Variants in FNDC3A observed in about 807,000 individuals in gnomAD.
The protein encoded by FNDC3A is fibronectin type-III domain-containing protein 3A.
In FNDC3A, 32 loss-of-function variants were observed where a neutral mutation model predicts 148.9. That is an observed-to-expected ratio of 0.21 (90% confidence interval 0.16 to 0.29). The LOEUF is 0.29. FNDC3A is among the 10% of genes least tolerant of loss of function. FNDC3A has a pLI of 1.00. For synonymous variants in FNDC3A, 472 were observed against 473.6 expected (o/e 1.00, Z 0.04); for missense variants, 1,191 against 1,452.8 (o/e 0.82, Z 2.93).
In FNDC3A at chr13:49,027,420, G is replaced by A. The variant is rs144841488; in HGVS notation, c.99+21131G>A. ...TGAGTAGATACGAAGAAATAAAGAGGACCAGTAAACATAACCAGGTAAATA... is the reference window on the plus strand; with the variant it reads ...TGAGTAGATACGAAGAAATAAAGAGAACCAGTAAACATAACCAGGTAAATA... On this transcript the variant is annotated intron_variant, in intron 2 of 25. Coordinates refer to ENST00000492622, the MANE Select transcript of FNDC3A (RefSeq NM_001079673.2). Among the ~76,000 whole-genome samples the A allele has an allele frequency of 4.3e-4, 66 of 152,192 alleles. 1 individual carries two copies. The East Asian group carries it at 0.01, about 24-fold the overall frequency.
intron 3 of FNDC3A, among the ~76,000 whole-genome samples, chr13:49,075,983 GT>G (rs1204118371): frequency 6.6e-6 from 1 of 152,038 alleles, no homozygotes; most frequent in Non-Finnish European, 1.5e-5. Flanking sequence ...ACTGTAGGGT[GT>G]TTAGTGGAAT....
chr13:49,144,007 A>ACTACTACTACTG (rs1882844766), intron 7 of FNDC3A, among the ~76,000 whole-genome samples: 1 of 149,792 alleles, frequency 6.7e-6, no homozygotes, highest in African/African-American at 2.5e-5. Flanking sequence ...TACTACTACT[A>ACTACTACTACTG]CTACTGCTAC....
chr13:48,985,294 A>G (rs894055988), intron 1 of FNDC3A, among the ~76,000 whole-genome samples: 2 of 152,234 alleles, frequency 1.3e-5, no homozygotes, highest in East Asian at 1.9e-4. Context: ...AAGGAATACT[A>G]TTGAACCGAA....
intron 8 of FNDC3A, among the ~76,000 whole-genome samples, chr13:49,151,074 T>C (rs1442198065): frequency 6.6e-6 from 1 of 152,194 alleles, no homozygotes; most frequent in African/African-American, 2.4e-5. Flanking sequence ...ATGAAATGTA[T>C]TCACAAAGGT....
chr13:49,153,485 G>A (rs1046121239), intron 8 of FNDC3A, among the ~76,000 whole-genome samples: 2 of 152,084 alleles, frequency 1.3e-5, no homozygotes, highest in African/African-American at 2.4e-5. Context: ...TCACTCTGAT[G>A]GTAGTTTCTT....
intron 2 of FNDC3A, among the ~76,000 whole-genome samples, chr13:49,057,938 C>G (rs551514326): frequency 6.6e-6 from 1 of 152,030 alleles, no homozygotes. Context: ...GTATCTCCCC[C>G]CCAAAATTTA....
chr13:49,183,745 T>G (rs1885422092), intron 14 of FNDC3A, among the ~76,000 whole-genome samples: 1 of 152,216 alleles, frequency 6.6e-6, no homozygotes, highest in Admixed American at 6.5e-5. Context: ...GTGAGAGGAC[T>G]GAGGAAGCCT....
At chr13:49,047,743 G>A (rs1448231626) in intron 2 of FNDC3A, among the ~76,000 whole-genome samples, 1 of 152,142 alleles carries the variant, frequency 6.6e-6, no homozygotes, top group Non-Finnish European at 1.5e-5. Flanking sequence ...TCTGTGGGTT[G>A]TCTGCTAACT....
intron 3 of FNDC3A, among the ~76,000 whole-genome samples, chr13:49,083,598 C>T (rs931090972): frequency 3.3e-5 from 5 of 152,050 alleles, no homozygotes; most frequent in African/African-American, 1.2e-4. Flanking sequence ...TATAGAAATG[C>T]GTGAAGGATG....
rs1163662308 is a variant in FNDC3A, at chr13:49,198,584, T to C, written c.2987+10T>C. On this transcript the variant is annotated intron_variant, in intron 23 of 25. Transcript: ENST00000492622. ...AGGATAAGAATGGACGGTAGGTTTT[T>C]TTAATTGCTTCTTTATATAGTTTCT... 1 of 1,589,696 alleles carries C rather than the reference T, an allele frequency of 6.3e-7. No homozygotes were observed. Among genetic ancestry groups the C allele is most frequent in the Admixed American group, 1.7e-5 (1 of 59,914 alleles).
intron 1 of FNDC3A, among the ~76,000 whole-genome samples, chr13:49,000,503 C>G (rs1002003993): frequency 8.5e-5 from 13 of 152,294 alleles, no homozygotes; most frequent in African/African-American, 2.9e-4. Flanking sequence ...GCTTTGAAAT[C>G]AGGAAGTGTG....
At chr13:49,089,904 C>T (rs1410918301) in intron 3 of FNDC3A, among the ~76,000 whole-genome samples, 1 of 152,024 alleles carries the variant, frequency 6.6e-6, no homozygotes. Flanking sequence ...TTTTTCTTTT[C>T]TCATAAATTA....
At chr13:49,026,682 T>G (rs1483690857) in intron 2 of FNDC3A, among the ~76,000 whole-genome samples, 1 of 152,182 alleles carries the variant, frequency 6.6e-6, no homozygotes, top group African/African-American at 2.4e-5. Flanking sequence ...TCTGTTATTT[T>G]TTTATAGAGA....
intron 1 of FNDC3A, among the ~76,000 whole-genome samples, chr13:48,988,693 A>G (rs912870041): frequency 6.6e-6 from 1 of 151,818 alleles, no homozygotes; most frequent in Non-Finnish European, 1.5e-5. Flanking sequence ...TAATAAGTAA[A>G]TAAGTAAGTA....
At chr13:49,152,027 C>G (rs1286836378) in intron 8 of FNDC3A, among the ~76,000 whole-genome samples, 4 of 152,104 alleles carry the variant, frequency 2.6e-5, no homozygotes, top group African/African-American at 9.7e-5. Context: ...TGAATAGTGC[C>G]ACAATAAACA....
At chr13:49,064,639 G>A (rs959791849) in intron 2 of FNDC3A, among the ~76,000 whole-genome samples, 9 of 152,114 alleles carry the variant, frequency 5.9e-5, no homozygotes, top group East Asian at 3.9e-4. Flanking sequence ...CCCCAGTGGC[G>A]CAGACACAGT....
chr13:49,045,382 G>C, intron 2 of FNDC3A: 2 of 158,708 alleles, frequency 1.3e-5, no homozygotes, highest in Non-Finnish European at 2.8e-5. Context: ...TCAAACTCCT[G>C]ACCTCAAGGA....
At chr13:49,088,942 T>C (rs900532555) in intron 3 of FNDC3A, among the ~76,000 whole-genome samples, 1 of 152,214 alleles carries the variant, frequency 6.6e-6, no homozygotes, top group Admixed American at 6.5e-5. Context: ...CACAAAAAGA[T>C]AAATATTGTG....
chr13:49,103,331 T>G (rs1348827349), intron 3 of FNDC3A, among the ~76,000 whole-genome samples: 1 of 152,186 alleles, frequency 6.6e-6, no homozygotes. Context: ...TTGAAGACAT[T>G]TTGATCCCAG....
Sources: allele counts gnomAD v4.1 joint callset (sites outside exome capture counted in the v4.1 genomes callset), GRCh38; gene constraint gnomAD v4.1.1; transcripts MANE v1.5; gene names NCBI Gene and HGNC (gene_info 2026-07-23, HGNC 2026-07-21).